CLSTN1: variants seen among roughly 807,000 people sequenced by gnomAD.
The protein encoded by CLSTN1 is calsyntenin 1, also known as calsyntenin-1.
In CLSTN1, 28 loss-of-function variants were observed where a neutral mutation model predicts 108.3. The ratio of observed to expected loss-of-function variants is 0.26; its 90% confidence interval spans 0.19 to 0.35. CLSTN1 has a LOEUF of 0.35. Among genes scored for constraint, CLSTN1 ranks in the 10% least tolerant of loss-of-function variants. The pLI is 1.00. For missense variants in CLSTN1, 1,157 were observed against 1,302.6 expected, an observed-to-expected ratio of 0.89 and a Z score of 1.72; for synonymous variants, 524 against 534.9, an observed-to-expected ratio of 0.98 and a Z score of 0.28.
chr1:9,731,562 C>G (rs936352981), intron 17 of CLSTN1, among the ~76,000 whole-genome samples, 172 bp from the exon 18 acceptor site: 2 of 152,242 alleles, frequency 1.3e-5, no homozygotes, highest in African/African-American at 2.4e-5. Context: ...CAACCTGGCT[C>G]GGCCACGTCC....
At chr1:9,751,777 C>T (rs779265958) in intron 4 of CLSTN1, 96 bp from the exon 5 acceptor site, 2 of 1,071,588 alleles carry the variant, frequency 1.9e-6, no homozygotes, top group African/African-American at 1.6e-5. Context: ...TTCTGCCCTA[C>T]TTTAAAATTT....
intron 2 of CLSTN1, among the ~76,000 whole-genome samples, chr1:9,771,108 G>A (rs1255689858): frequency 6.6e-6 from 1 of 152,220 alleles, no homozygotes; most frequent in Non-Finnish European, 1.5e-5. Flanking sequence ...AGGAGGACCT[G>A]AGGGAGCAAA....
chr1:9,810,335 G>A (rs1020424905), intron 1 of CLSTN1, among the ~76,000 whole-genome samples: 4 of 149,340 alleles, frequency 2.7e-5, no homozygotes, highest in South Asian at 2.1e-4. Flanking sequence ...AATTAGTCAG[G>A]TGTGGGAGTG....
At chr1:9,810,038 AAGAG>A (rs549792446) in intron 1 of CLSTN1, among the ~76,000 whole-genome samples, 11 of 100,418 alleles carry the variant, frequency 1.1e-4, no homozygotes, top group African/African-American at 3.0e-4. Context: ...GACTCTGAGA[AAGAG>A]AGAGAGAGAA....
chr1:9,740,807 T>TC (rs1650941129), intron 10 of CLSTN1, among the ~76,000 whole-genome samples: 1 of 151,854 alleles, frequency 6.6e-6, no homozygotes, highest in Non-Finnish European at 1.5e-5. Context: ...ATAAAACAGT[T>TC]CCCCCCACTA....
chr1:9,800,588 G>A (rs1654218748), intron 1 of CLSTN1, among the ~76,000 whole-genome samples: 1 of 150,408 alleles, frequency 6.6e-6, no homozygotes, highest in South Asian at 2.1e-4. Context: ...AAATTAGCTG[G>A]GTGTGGTGGC....
chr1:9,807,666 G>T (rs1654563422), intron 1 of CLSTN1, among the ~76,000 whole-genome samples: 1 of 152,226 alleles, frequency 6.6e-6, no homozygotes, highest in African/African-American at 2.4e-5. Flanking sequence ...AAGAGGCAGG[G>T]CCTGCAGAGG....
At chr1:9,776,536 T>A (rs1166991047) in intron 1 of CLSTN1, among the ~76,000 whole-genome samples, 1 of 151,354 alleles carries the variant, frequency 6.6e-6, no homozygotes, top group Non-Finnish European at 1.5e-5. Context: ...AAAAAAAAAA[T>A]CCACATACAC....
intron 4 of CLSTN1, among the ~76,000 whole-genome samples, chr1:9,753,693 G>A (rs1011368039): frequency 6.6e-6 from 1 of 151,972 alleles, no homozygotes; most frequent in Non-Finnish European, 1.5e-5. Context: ...GTTTCTCCAT[G>A]TTGGCCAGGC....
In CLSTN1 at chr1:9,729,390, G is replaced by A. The variant is rs891754450; in HGVS notation, c.*1118C>T. 1.3e-5 allele frequency: 2 copies of A among 152,646 alleles called. No homozygotes were observed. The highest frequency in any genetic ancestry group is 1.3e-4 in the Admixed American group (2 of 15,286). 9.5% of individuals were successfully genotyped at this position (152,646 alleles called of 1,614,324 possible). A position where few individuals can be genotyped will look rare whatever the true frequency, so the allele number is the denominator to read the frequency against. Reference sequence around the variant, plus strand: ...CCAAGCAAAGCAGCAGGGCTCCTGGGGGAGAGGGATTTCAACCCCCCTGAT... The same window carrying A: ...CCAAGCAAAGCAGCAGGGCTCCTGGAGGAGAGGGATTTCAACCCCCCTGAT... On this transcript the variant is annotated 3_prime_UTR_variant, in exon 19 of 19. Coordinates refer to ENST00000377298, the MANE Select transcript of CLSTN1 (RefSeq NM_001009566.3).
intron 1 of CLSTN1, among the ~76,000 whole-genome samples, chr1:9,793,983 C>G (rs1267634618): frequency 6.6e-6 from 1 of 151,466 alleles, no homozygotes; most frequent in Non-Finnish European, 1.5e-5. Context: ...TGGGTTAGAA[C>G]TCTCCCGCTC....
chr1:9,734,936 A>G lies in CLSTN1; in HGVS notation c.2110+12T>C. On this transcript the variant is annotated intron_variant, in intron 14 of 18. Transcript: ENST00000377298. The surrounding 1 kb of genome is among the most constrained non-coding windows in gnomAD (Gnocchi z 4.8). ...CGAGGCGAGGGAGCCCGCGCCCCAC[A>G]GAGCACATTACCTGTGGGGTCCTCA... 1.2e-6 allele frequency: 2 copies of G among 1,611,650 alleles called. No individual in the cohort carries two copies. The highest frequency in any genetic ancestry group is 1.1e-5 in the South Asian group (1 of 91,040).
In CLSTN1 at chr1:9,737,555, C is replaced by T; in HGVS notation, c.1520-1G>A. ...TTGTCATTTTCAACTCCTGAAAACT[C>T]TGTGGAAAAGCAAGACAAAGACAAT... On this transcript the variant is annotated splice_acceptor_variant, in intron 10 of 18. Transcript: ENST00000377298. LOFTEE classifies it high-confidence loss of function. 6.2e-7 allele frequency: 1 copy of T among 1,613,986 alleles called. No individual in the cohort carries two copies. The highest frequency in any genetic ancestry group is 8.5e-7 in the Non-Finnish European group (1 of 1,179,870).
chr1:9,822,112 TA>T (rs1332999716), intron 1 of CLSTN1, among the ~76,000 whole-genome samples: 2 of 152,248 alleles, frequency 1.3e-5, no homozygotes, highest in Non-Finnish European at 2.9e-5. Context: ...TCCAAGCACA[TA>T]TTTTTAAAAT....
At chr1:9,811,828 T>C (rs1654772144) in intron 1 of CLSTN1, among the ~76,000 whole-genome samples, 1 of 151,948 alleles carries the variant, frequency 6.6e-6, no homozygotes, top group Admixed American at 6.6e-5. Flanking sequence ...TAGCATCAAT[T>C]AGTCAAATCA....
chr1:9,820,449 G>A (rs1292677839), intron 1 of CLSTN1, among the ~76,000 whole-genome samples: 1 of 152,074 alleles, frequency 6.6e-6, no homozygotes, highest in African/African-American at 2.4e-5. Context: ...AACCCGGGAG[G>A]CGGAGGTTGC....
At chr1:9,740,488 G>A (rs1251367866) in intron 10 of CLSTN1, among the ~76,000 whole-genome samples, 1 of 152,236 alleles carries the variant, frequency 6.6e-6, no homozygotes, top group East Asian at 1.9e-4. Context: ...AGGTTTAGGT[G>A]AGACAACGTG....
chr1:9,788,221 A>G (rs1653585930), intron 1 of CLSTN1, among the ~76,000 whole-genome samples: 2 of 151,392 alleles, frequency 1.3e-5, no homozygotes, highest in South Asian at 4.3e-4. Flanking sequence ...GTGCCACTGC[A>G]CTCCAGCCTG....
chr1:9,731,615 C>T, intron 17 of CLSTN1, 146 bp downstream of exon 17: 1 of 942,420 alleles, frequency 1.1e-6, no homozygotes. Flanking sequence ...TCTTCGAGGG[C>T]TTTAGTTTCC....
Sources: gnomAD v4.1 joint callset for allele counts (sites outside exome capture counted in the v4.1 genomes callset) on GRCh38, gnomAD v4.1.1 for gene constraint, Gnocchi (gnomAD v3.1) non-coding constraint, MANE v1.5 for transcripts, NCBI Gene and HGNC (gene_info 2026-07-23, HGNC 2026-07-21) for gene names.